Variants in PLAC1 observed in about 807,000 individuals in gnomAD.
PLAC1 encodes placenta-specific protein 1.
For synonymous variants in PLAC1, 68 were observed against 62.1 expected (o/e 1.09, Z -0.44); for missense variants, 136 against 163.2 (o/e 0.83, Z 0.91).
Position 134,684,947 on chromosome X carries a change from AAGAC to A in PLAC1, n.174+48484_174+48487del, listed in dbSNP as rs2078511223. Among the ~76,000 whole-genome samples the A allele has an allele frequency of 2.7e-5, 3 of 112,610 alleles. No individual in the cohort carries two copies. The South Asian group carries it at 1.1e-3, about 41-fold the overall frequency. On this transcript the variant is annotated intron_variant and non_coding_transcript_variant, in intron 2 of 2. Coordinates refer to the PLAC1 transcript ENST00000466797. ...TCCCTGACTTGGACTATGCAGAAGA[AAGAC>A]AGTCTTATCCCGATTTTCTCTATTC...
intron 2 of PLAC1, among the ~76,000 whole-genome samples, chrX:134,684,432 A>AC (rs2078509218): frequency 1.1e-5 from 1 of 91,492 alleles, no homozygotes; most frequent in Non-Finnish European, 2.2e-5. Flanking sequence ...AAAAAAAAAA[A>AC]ACACTCTAGG....
intron 1 of PLAC1, among the ~76,000 whole-genome samples, chrX:134,760,636 T>C (rs1454910547): frequency 9.2e-6 from 1 of 108,986 alleles, no homozygotes; most frequent in East Asian, 2.8e-4. Context: ...CAGTGTTAGG[T>C]TAAAAAAAAA....
intron 1 of PLAC1, among the ~76,000 whole-genome samples, chrX:134,757,421 G>C (rs1162660840): frequency 8.9e-6 from 1 of 112,438 alleles, no homozygotes. Context: ...TTTAGGCCAT[G>C]ATACAAGATA....
At position 134,682,551 on chromosome X, in the gene PLAC1, CT is replaced by C. The variant is rs1333913929; in HGVS notation, n.174+50883del. Reference sequence around the variant, plus strand: ...GGTGTCTCAAGTACCTCTCTATCTGCTTTTTTTTTTTCTTTTTTGACATGGA... The same window carrying C: ...GGTGTCTCAAGTACCTCTCTATCTGCTTTTTTTTTTCTTTTTTGACATGGA... On this transcript the variant is annotated intron_variant and non_coding_transcript_variant, in intron 2 of 2. Coordinates refer to the PLAC1 transcript ENST00000466797. Among the ~76,000 whole-genome samples the C allele has an allele frequency of 4.5e-3, 469 of 104,580 alleles. 1 individual carries two copies. Among genetic ancestry groups the C allele is most frequent in the African/African-American group, 0.015 (430 of 28,959 alleles). The allele number at this position is 104,580 out of a possible 115,157, so 90.8% of individuals were successfully genotyped here. A position where few individuals can be genotyped will look rare whatever the true frequency, so the allele number is the denominator to read the frequency against.
At chrX:134,602,189 A>C (rs2078092071) in intron 1 of PLAC1, 67 bp from the exon 2 acceptor site, 1 of 112,492 alleles carries the variant, frequency 8.9e-6, no homozygotes, top group Admixed American at 9.5e-5. Flanking sequence ...TTTCCCAAAA[A>C]CTACTGCCTG....
intron 2 of PLAC1, among the ~76,000 whole-genome samples, chrX:134,717,565 A>T (rs2078646903): frequency 8.9e-6 from 1 of 112,341 alleles, no homozygotes; most frequent in Non-Finnish European, 1.9e-5. Flanking sequence ...CCAGCCAGAC[A>T]AGTAGCTTTT....
chrX:134,578,515 C>CTTTTTTTTTTTTT (rs766626696), intron 2 of PLAC1, among the ~76,000 whole-genome samples: 11 of 55,945 alleles, frequency 2.0e-4, no homozygotes, highest in East Asian at 7.7e-4. Context: ...TTCTTTCTTT[C>CTTTTTTTTTTTTT]TTTTTTTTTT....
chrX:134,619,987 A>G (rs994237855), intron 1 of PLAC1, among the ~76,000 whole-genome samples: 1 of 112,135 alleles, frequency 8.9e-6, no homozygotes, highest in African/African-American at 3.2e-5. Context: ...TTGTCACTGG[A>G]GGGTGGACAG....
chrX:134,574,316 G>A (rs779184958), intron 2 of PLAC1, among the ~76,000 whole-genome samples: 67 of 112,164 alleles, frequency 6.0e-4, no homozygotes, highest in African/African-American at 2.0e-3. Flanking sequence ...AATGAAAGAA[G>A]GAAGAAATTA....
chrX:134,651,081 A>T, intron 1 of PLAC1: 1 of 285,163 alleles, frequency 3.5e-6, no homozygotes, highest in Non-Finnish European at 7.2e-6. Flanking sequence ...TGAATTGGAG[A>T]AAAAGTTCAG....
intron 1 of PLAC1, among the ~76,000 whole-genome samples, chrX:134,623,209 G>T (rs189384742): frequency 2.7e-5 from 3 of 110,890 alleles, no homozygotes; most frequent in African/African-American, 1.0e-4. Context: ...GGACACTAAG[G>T]CTGGGCTAGT....
chrX:134,700,968 C>T (rs2078581061), intron 2 of PLAC1, among the ~76,000 whole-genome samples: 1 of 111,270 alleles, frequency 9.0e-6, no homozygotes, highest in Non-Finnish European at 1.9e-5. Flanking sequence ...AAAAAGAGCC[C>T]GAATAGCCAA....
chrX:134,622,245 G>C (rs982758817), intron 1 of PLAC1, among the ~76,000 whole-genome samples: 1 of 111,938 alleles, frequency 8.9e-6, no homozygotes, highest in Non-Finnish European at 1.9e-5. Flanking sequence ...GGTGCTGAGC[G>C]GGGACAGCCT....
chrX:134,715,656 G>T (rs970453266), intron 2 of PLAC1, among the ~76,000 whole-genome samples: 1 of 111,963 alleles, frequency 8.9e-6, no homozygotes, highest in African/African-American at 3.2e-5. Context: ...CTCTCCTGGG[G>T]CCCTCTGCTC....
chrX:134,575,457 AC>A (rs11313321), intron 2 of PLAC1, among the ~76,000 whole-genome samples: 23,197 of 100,524 alleles, frequency 0.23, 2,106 homozygotes, highest in East Asian at 0.31. Context: ...AAAAAAACAA[AC>A]AAAAAAAAAA....
intron 1 of PLAC1, among the ~76,000 whole-genome samples, chrX:134,603,581 G>A (rs911399530): frequency 1.9e-5 from 2 of 106,584 alleles, no homozygotes; most frequent in South Asian, 4.3e-4. Flanking sequence ...TGATCCACCC[G>A]CCTCAGCCTC....
chrX:134,666,443 GA>G (rs1271855440), intron 2 of PLAC1, among the ~76,000 whole-genome samples: 1 of 111,422 alleles, frequency 9.0e-6, no homozygotes, highest in East Asian at 2.8e-4. Flanking sequence ...AAAAAAAAAT[GA>G]AACCAAACCT....
intron 2 of PLAC1, among the ~76,000 whole-genome samples, chrX:134,590,089 G>T (rs2078029787): frequency 9.1e-6 from 1 of 110,057 alleles, no homozygotes; most frequent in Non-Finnish European, 1.9e-5. Context: ...CAGCTACTTG[G>T]GAGGCTGAGG....
intron 2 of PLAC1, among the ~76,000 whole-genome samples, chrX:134,580,470 A>G (rs1035310207): frequency 1.8e-5 from 2 of 112,230 alleles, no homozygotes; most frequent in African/African-American, 3.2e-5. Context: ...CACAAAGGTC[A>G]TAAGTGGCAA....
Sources: gnomAD v4.1 joint callset for allele counts (sites outside exome capture counted in the v4.1 genomes callset) on GRCh38, gnomAD v4.1.1 for gene constraint, MANE v1.5 for transcripts, NCBI Gene and HGNC (gene_info 2026-07-23, HGNC 2026-07-21) for gene names.